The following NEGR1 variants were observed in gnomAD, a reference collection of about 807,000 sequenced individuals.
NEGR1 encodes the protein neuronal growth regulator 1, also known as IgLON family member 4.
A neutral mutation model predicts 40.9 loss-of-function variants in NEGR1; 10 were observed. That is an observed-to-expected ratio of 0.24 (90% CI 0.15 to 0.42). The LOEUF (loss-of-function observed/expected upper bound fraction) is 0.42. Ranked by LOEUF, NEGR1 falls within the 10% of genes least tolerant of loss-of-function variation. The probability of loss-of-function intolerance (pLI) is 1.00; values close to 1 mark genes in which losing one functional copy is unlikely to be tolerated. For synonymous variants in NEGR1, 185 were observed against 166.8 expected (o/e 1.11, Z -0.84); for missense variants, 352 against 438.9 (o/e 0.80, Z 1.77).
intron 6 of NEGR1, among the ~76,000 whole-genome samples, chr1:71,455,336 T>A (rs1178832319): frequency 6.6e-6 from 1 of 152,232 alleles, no homozygotes; most frequent in Non-Finnish European, 1.5e-5. Context: ...AATGACTGAA[T>A]GAATGAATGT....
At chr1:71,868,623 A>T (rs1557682755) in intron 2 of NEGR1, among the ~76,000 whole-genome samples, 1 of 152,102 alleles carries the variant, frequency 6.6e-6, no homozygotes, top group African/African-American at 2.4e-5. Context: ...TTCATGGAAA[A>T]TGCACTTTCT....
intron 1 of NEGR1, among the ~76,000 whole-genome samples, chr1:72,179,089 C>G (rs1652273621): frequency 6.6e-6 from 1 of 151,862 alleles, no homozygotes; most frequent in Non-Finnish European, 1.5e-5. Flanking sequence ...GAGCTGATGT[C>G]CAGAATGGTA....
intron 6 of NEGR1, among the ~76,000 whole-genome samples, chr1:71,481,160 G>A (rs981443522): frequency 8.6e-5 from 13 of 151,800 alleles, no homozygotes; most frequent in African/African-American, 3.1e-4. Flanking sequence ...CTGGTCAGTG[G>A]GAAAAGCATT....
intron 4 of NEGR1, among the ~76,000 whole-genome samples, chr1:71,615,286 A>G (rs1650412497): frequency 1.7e-5 from 2 of 116,468 alleles, no homozygotes; most frequent in African/African-American, 5.0e-5. Context: ...GATCACATTA[A>G]TGAAAAAAAA....
intron 1 of NEGR1, among the ~76,000 whole-genome samples, chr1:72,127,133 T>C (rs1260379691): frequency 6.6e-6 from 1 of 152,078 alleles, no homozygotes; most frequent in Non-Finnish European, 1.5e-5. Context: ...CTGACAGCAA[T>C]AATGTATAAA....
intron 1 of NEGR1, among the ~76,000 whole-genome samples, chr1:71,941,321 T>C (rs772321578): frequency 9.3e-5 from 14 of 150,708 alleles, no homozygotes; most frequent in Non-Finnish European, 2.1e-4. Flanking sequence ...AATTTTACCA[T>C]CTTTCTCCCC....
intron 1 of NEGR1, among the ~76,000 whole-genome samples, chr1:72,152,013 A>G (rs1651145043): frequency 1.3e-5 from 2 of 151,938 alleles, no homozygotes; most frequent in South Asian, 2.1e-4. Flanking sequence ...TAGAACAATT[A>G]ATAGAATAGA....
chr1:71,496,344 G>A (rs1011857178), intron 6 of NEGR1, among the ~76,000 whole-genome samples: 2 of 152,172 alleles, frequency 1.3e-5, no homozygotes, highest in Non-Finnish European at 2.9e-5. Context: ...GGAATTGGAG[G>A]AAGATATTCA....
chr1:71,724,621 C>T (rs547467590), intron 3 of NEGR1, among the ~76,000 whole-genome samples: 2 of 152,206 alleles, frequency 1.3e-5, no homozygotes, highest in Admixed American at 1.3e-4. Flanking sequence ...ATATTTATGT[C>T]ACTTGAAAAC....
At chr1:71,885,726 A>C (rs1557688489) in intron 2 of NEGR1, among the ~76,000 whole-genome samples, 1 of 152,206 alleles carries the variant, frequency 6.6e-6, no homozygotes, top group African/African-American at 2.4e-5. Flanking sequence ...TTTAGAGAAT[A>C]AATTTTCCTT....
chr1:71,832,115 A>T (rs1658864057), intron 2 of NEGR1, among the ~76,000 whole-genome samples: 1 of 151,902 alleles, frequency 6.6e-6, no homozygotes, highest in African/African-American at 2.4e-5. Flanking sequence ...GTGAGAGAGT[A>T]ATGGGAAAGG....
intron 2 of NEGR1, among the ~76,000 whole-genome samples, chr1:71,863,351 G>A (rs960881422): frequency 6.6e-6 from 1 of 152,092 alleles, no homozygotes; most frequent in Non-Finnish European, 1.5e-5. Context: ...TGCAGGAACA[G>A]AAGAAGAAAC....
intron 3 of NEGR1, among the ~76,000 whole-genome samples, chr1:71,700,249 A>G (rs928866581): frequency 6.6e-6 from 1 of 151,982 alleles, no homozygotes; most frequent in Non-Finnish European, 1.5e-5. Context: ...CATTACATAG[A>G]ATAAGATTAT....
chr1:71,536,164 G>A (rs1385695817), intron 6 of NEGR1, among the ~76,000 whole-genome samples: 26 of 151,616 alleles, frequency 1.7e-4, no homozygotes, highest in Admixed American at 1.7e-3. Context: ...TTCTACCTAC[G>A]ATGTAGACAT....
intron 2 of NEGR1, among the ~76,000 whole-genome samples, chr1:71,917,487 A>C (rs1475842909): frequency 6.6e-6 from 1 of 152,172 alleles, no homozygotes; most frequent in Non-Finnish European, 1.5e-5. Context: ...TTTTAACTAC[A>C]TGCAAATGTA....
chr1:71,521,608 C>T (rs1647157713), intron 6 of NEGR1, among the ~76,000 whole-genome samples: 1 of 152,024 alleles, frequency 6.6e-6, no homozygotes, highest in African/African-American at 2.4e-5. Flanking sequence ...GATTGTGTGG[C>T]ACAGTATGTT....
At chr1:72,258,852 G>C (rs1282101819) in intron 1 of NEGR1, among the ~76,000 whole-genome samples, 1 of 151,880 alleles carries the variant, frequency 6.6e-6, no homozygotes, top group Non-Finnish European at 1.5e-5. Flanking sequence ...ACAATATATA[G>C]GAGCCAATAA....
intron 1 of NEGR1, among the ~76,000 whole-genome samples, chr1:72,269,025 T>C (rs968393369): frequency 1.3e-5 from 2 of 151,594 alleles, no homozygotes; most frequent in Non-Finnish European, 3.0e-5. Context: ...AGAAGACGGA[T>C]ATATAAGCAC....
intron 6 of NEGR1, among the ~76,000 whole-genome samples, chr1:71,485,946 T>C (rs1292491812): frequency 6.6e-6 from 1 of 151,696 alleles, no homozygotes; most frequent in Non-Finnish European, 1.5e-5. Flanking sequence ...CTCCTTAAGG[T>C]AAATACCAAG....
Sources: allele counts gnomAD v4.1 joint callset (sites outside exome capture counted in the v4.1 genomes callset), GRCh38; gene constraint gnomAD v4.1.1; transcripts MANE v1.5; gene names NCBI Gene and HGNC (gene_info 2026-07-23, HGNC 2026-07-21).